RABGAP1L: variants seen among roughly 807,000 people sequenced by gnomAD.
RABGAP1L encodes the protein rab GTPase-activating protein 1-like.
RABGAP1L carries 63 observed loss-of-function variants against 137.7 expected under a neutral mutation model. That is an observed-to-expected ratio of 0.46 (90% CI 0.37 to 0.56). The LOEUF (loss-of-function observed/expected upper bound fraction) is 0.56, where lower values mean the gene tolerates loss of function less well. RABGAP1L is among the 20% of genes least tolerant of loss of function. The pLI is 0.00. For missense variants in RABGAP1L, 1,095 were observed against 1,244.0 expected, an observed-to-expected ratio of 0.88 and a Z score of 1.80; for synonymous variants, 431 against 433.7, an observed-to-expected ratio of 0.99 and a Z score of 0.08.
chr1:174,447,449 AG>A (rs1654889926), intron 13 of RABGAP1L, among the ~76,000 whole-genome samples: 1 of 152,208 alleles, frequency 6.6e-6, no homozygotes. Context: ...AATGAGAAAT[AG>A]GTTATAAATT....
rs532860564 is a variant in RABGAP1L at position 174,931,990 on chromosome 1, G to GTTTTTTTT, written c.2341-25450_2341-25443dup. On this transcript the variant is annotated intron_variant, in intron 19 of 25. Transcript: ENST00000681986. ...AAAATTTCTTTAGACTGCTTTTTTGGTTTTTTTTTTTTTTTTTTTTTTTTG... is the reference window on the plus strand; with the variant it reads ...AAAATTTCTTTAGACTGCTTTTTTGGTTTTTTTTTTTTTTTTTTTTTTTTTTTTTTTTG... 9.2e-4 allele frequency among the ~76,000 whole-genome samples: 64 copies of GTTTTTTTT among 69,618 alleles called. 1 individual carries two copies. Among genetic ancestry groups the GTTTTTTTT allele is most frequent in the East Asian group, 2.4e-3 (5 of 2,094 alleles). 45.7% of individuals were successfully genotyped at this position (69,618 alleles called of 152,430 possible).
rs1685215676 is a variant in RABGAP1L at position 174,761,498 on chromosome 1, G to GGGGAGAGGCGCTGCTCACTTCCC, written c.2211+9145_2211+9167dup. 6.6e-6 allele frequency among the ~76,000 whole-genome samples: 1 copy of GGGGAGAGGCGCTGCTCACTTCCC among 151,716 alleles called. No individual in the cohort carries two copies. Among genetic ancestry groups the GGGGAGAGGCGCTGCTCACTTCCC allele is most frequent in the African/African-American group, 2.4e-5 (1 of 41,276 alleles). On this transcript the variant is annotated intron_variant, in intron 18 of 25. Coordinates refer to ENST00000681986, the MANE Select transcript of RABGAP1L (RefSeq NM_001366446.1). This position sits in a 1 kb window ranked among gnomAD's most constrained non-coding sequence, Gnocchi z 4.0. ...TCACTTCCCAGACAATGCAGGGGCC[G>GGGGAGAGGCGCTGCTCACTTCCC]GGGAGAGGCGCTGCTCACTTCCCAG...
At chr1:174,628,406 A>G (rs1673078192) in intron 13 of RABGAP1L, among the ~76,000 whole-genome samples, 1 of 152,214 alleles carries the variant, frequency 6.6e-6, no homozygotes, top group African/African-American at 2.4e-5. Context: ...ACAGTTGAAT[A>G]ATGGTTCTTA....
chr1:174,755,156 G>T (rs1262964733), intron 18 of RABGAP1L, among the ~76,000 whole-genome samples: 1 of 152,154 alleles, frequency 6.6e-6, no homozygotes, highest in Non-Finnish European at 1.5e-5. Flanking sequence ...TGAATTCTGT[G>T]TTGCTCAGTT....
At chr1:174,426,642 A>G (rs1651995088) in intron 13 of RABGAP1L, among the ~76,000 whole-genome samples, 1 of 152,088 alleles carries the variant, frequency 6.6e-6, no homozygotes, top group Non-Finnish European at 1.5e-5. Flanking sequence ...GATAGTGAAT[A>G]ACATTTTATG....
At chr1:174,833,731 C>T (rs1047766585) in intron 19 of RABGAP1L, among the ~76,000 whole-genome samples, 4 of 151,738 alleles carry the variant, frequency 2.6e-5, no homozygotes, top group Admixed American at 1.3e-4. Flanking sequence ...AGAAAATATT[C>T]CTATCCTCCT....
chr1:174,755,107 G>A (rs1346180314), intron 18 of RABGAP1L, among the ~76,000 whole-genome samples: 1 of 152,222 alleles, frequency 6.6e-6, no homozygotes, highest in Non-Finnish European at 1.5e-5. Flanking sequence ...TAGTGGGAAA[G>A]TTGGATTTAT....
chr1:174,197,580 T>G (rs938038053), intron 1 of RABGAP1L, among the ~76,000 whole-genome samples: 6 of 152,124 alleles, frequency 3.9e-5, no homozygotes, highest in Non-Finnish European at 8.8e-5. Flanking sequence ...ACGTCTGATC[T>G]CTTGTTTTTA....
intron 11 of RABGAP1L, among the ~76,000 whole-genome samples, chr1:174,311,073 G>A (rs2148794715): frequency 6.6e-6 from 1 of 152,016 alleles, no homozygotes; most frequent in Middle Eastern, 3.4e-3. Context: ...CCCAGCCCCT[G>A]GTAACCATCT....
intron 1 of RABGAP1L, among the ~76,000 whole-genome samples, chr1:174,201,662 T>A (rs559306844): frequency 3.1e-4 from 47 of 152,238 alleles, no homozygotes; most frequent in African/African-American, 9.6e-4. Context: ...TTCTTTTTTT[T>A]AATTATACTT....
chr1:174,615,429 T>G lies in RABGAP1L; in HGVS notation c.1711-21946T>G, dbSNP rs141044141. Reference sequence around the variant, plus strand: ...ACAAATGCTGCTGTCTGATCGTTACTCTGGAAGTTTTGTCTCAGAGGAGTA... The same window carrying G: ...ACAAATGCTGCTGTCTGATCGTTACGCTGGAAGTTTTGTCTCAGAGGAGTA... On this transcript the variant is annotated intron_variant, in intron 13 of 25. Transcript: ENST00000681986. Among the ~76,000 whole-genome samples the G allele has an allele frequency of 3.9e-4, 60 of 152,314 alleles. No individual in the cohort carries two copies. In the East Asian group the frequency reaches 6.6e-3, roughly 17 times the overall value.
intron 14 of RABGAP1L, among the ~76,000 whole-genome samples, chr1:174,664,729 G>GTTT (rs1557964009): frequency 3.5e-5 from 3 of 85,584 alleles, no homozygotes; most frequent in Admixed American, 1.2e-4. Flanking sequence ...CTTTCTTTCT[G>GTTT]CTTTCTTTTT....
At chr1:174,951,266 C>T (rs1234056362) in intron 19 of RABGAP1L, among the ~76,000 whole-genome samples, 2 of 152,226 alleles carry the variant, frequency 1.3e-5, no homozygotes, top group Non-Finnish European at 2.9e-5. Context: ...CATCTGGTCC[C>T]AGGCAGTAGA....
At chr1:174,620,104 A>G (rs1197134603) in intron 13 of RABGAP1L, among the ~76,000 whole-genome samples, 1 of 152,192 alleles carries the variant, frequency 6.6e-6, no homozygotes, top group African/African-American at 2.4e-5. Flanking sequence ...ATATATATGC[A>G]CCCAATACAG....
chr1:174,687,328 C>T (rs886613625), intron 15 of RABGAP1L, among the ~76,000 whole-genome samples: 2 of 152,128 alleles, frequency 1.3e-5, no homozygotes, highest in Admixed American at 6.5e-5. Context: ...CTCACACTTT[C>T]TACATTAATA....
At chr1:174,195,011 G>C (rs1667467283) in intron 1 of RABGAP1L, among the ~76,000 whole-genome samples, 1 of 150,406 alleles carries the variant, frequency 6.6e-6, no homozygotes, top group African/African-American at 2.4e-5. Context: ...TAAAATTTTG[G>C]CTCTTTCTTG....
At chr1:174,622,442 T>G (rs1467177481) in intron 13 of RABGAP1L, among the ~76,000 whole-genome samples, 5 of 152,148 alleles carry the variant, frequency 3.3e-5, no homozygotes, top group African/African-American at 9.7e-5. Context: ...TAGCAAAGAC[T>G]TGGAACCAAC....
chr1:174,797,518 G>A (rs1197279430), intron 18 of RABGAP1L, among the ~76,000 whole-genome samples: 1 of 139,900 alleles, frequency 7.1e-6, no homozygotes, highest in Non-Finnish European at 1.6e-5. Flanking sequence ...TGTGTGTGTA[G>A]GGGGTGTGTG....
At chr1:174,675,433 G>T (rs1052709074) in intron 14 of RABGAP1L, among the ~76,000 whole-genome samples, 4 of 151,780 alleles carry the variant, frequency 2.6e-5, no homozygotes, top group Admixed American at 6.6e-5. Context: ...GCTCTGTTCT[G>T]TTCCATTGAT....
Sources: allele counts gnomAD v4.1 joint callset (sites outside exome capture counted in the v4.1 genomes callset), GRCh38; gene constraint gnomAD v4.1.1; non-coding constraint Gnocchi (gnomAD v3.1); transcripts MANE v1.5; gene names NCBI Gene and HGNC (gene_info 2026-07-23, HGNC 2026-07-21).